TENM4: variants seen among roughly 807,000 people sequenced by gnomAD.
TENM4 encodes the protein teneurin-4.
Under a neutral mutation model 243.3 loss-of-function variants are expected in TENM4, and 82 were observed. The ratio of observed to expected loss-of-function variants is 0.34; its 90% CI spans 0.28 to 0.40. The LOEUF (loss-of-function observed/expected upper bound fraction) is 0.40. Among genes scored for constraint, TENM4 ranks in the 10% least tolerant of loss-of-function variants. The pLI is 1.00. For synonymous variants in TENM4, 1,412 were observed against 1,456.3 expected (o/e 0.97, Z 0.69); for missense variants, 3,138 against 3,673.3 (o/e 0.85, Z 3.77).
chr11:79,034,027 C>G (rs558492432), intron 6 of TENM4, among the ~76,000 whole-genome samples: 2 of 152,178 alleles, frequency 1.3e-5, no homozygotes, highest in Non-Finnish European at 2.9e-5. Context: ...GGTCACCATG[C>G]TGCCTTTTAG....
At chr11:78,807,442 A>G (rs1368684326) in intron 14 of TENM4, among the ~76,000 whole-genome samples, 2 of 152,192 alleles carry the variant, frequency 1.3e-5, no homozygotes, top group Admixed American at 1.3e-4. Flanking sequence ...GGCTACAACA[A>G]CATTAACAGA....
At chr11:78,778,786 G>T (rs187743321) in intron 16 of TENM4, among the ~76,000 whole-genome samples, 158 bp from the exon 17 acceptor site, 32 of 152,324 alleles carry the variant, frequency 2.1e-4, no homozygotes, top group African/African-American at 6.0e-4. Context: ...AAGACAGGAT[G>T]ACATGAGAGA....
At chr11:79,292,395 A>G (rs1343593914) in intron 2 of TENM4, among the ~76,000 whole-genome samples, 1 of 152,132 alleles carries the variant, frequency 6.6e-6, no homozygotes, top group Non-Finnish European at 1.5e-5. Flanking sequence ...CTTGAGGCTG[A>G]TTTTGCCCCT....
intron 6 of TENM4, among the ~76,000 whole-genome samples, chr11:78,915,034 C>T (rs919821122): frequency 1.3e-4 from 20 of 152,216 alleles, no homozygotes; most frequent in Non-Finnish European, 2.2e-4. Flanking sequence ...TACGAGACCC[C>T]CCACCATCCG....
At chr11:79,262,120 C>T (rs986991564) in intron 2 of TENM4, among the ~76,000 whole-genome samples, 9 of 152,160 alleles carry the variant, frequency 5.9e-5, no homozygotes, top group Non-Finnish European at 8.8e-5. Flanking sequence ...ACGTGCCAGG[C>T]GCCACCTGCA....
intron 1 of TENM4, among the ~76,000 whole-genome samples, chr11:79,369,081 A>G (rs1051223898): frequency 2.0e-5 from 3 of 152,110 alleles, no homozygotes; most frequent in Non-Finnish European, 2.9e-5. Context: ...TTCCCTTAAC[A>G]GTCTCCGGTC....
intron 6 of TENM4, among the ~76,000 whole-genome samples, chr11:78,968,199 A>G (rs1857475082): frequency 6.6e-6 from 1 of 152,166 alleles, no homozygotes; most frequent in African/African-American, 2.4e-5. Flanking sequence ...CTTCTGCGAT[A>G]AGTAAAAGCT....
chr11:79,171,205 C>T (rs1290374955), intron 3 of TENM4, among the ~76,000 whole-genome samples: 1 of 152,154 alleles, frequency 6.6e-6, no homozygotes, highest in African/African-American at 2.4e-5. Flanking sequence ...GTAGAGAGGG[C>T]CTAGAACCTT....
chr11:78,768,719 C>T (rs2135988468), intron 18 of TENM4, among the ~76,000 whole-genome samples: 1 of 152,316 alleles, frequency 6.6e-6, no homozygotes, highest in Middle Eastern at 3.4e-3. Flanking sequence ...TGATCTTTTC[C>T]ACTTCCTACT....
At chr11:79,167,329 G>T (rs1237740044) in intron 3 of TENM4, among the ~76,000 whole-genome samples, 1 of 152,230 alleles carries the variant, frequency 6.6e-6, no homozygotes, top group African/African-American at 2.4e-5. Context: ...GTGGGGACCT[G>T]TTGAAGGGTC....
intron 2 of TENM4, among the ~76,000 whole-genome samples, chr11:79,297,136 G>C (rs753696778): frequency 1.4e-4 from 21 of 152,188 alleles, no homozygotes; most frequent in Non-Finnish European, 1.9e-4. Flanking sequence ...AAACAGTTGG[G>C]TCTATTGAAG....
At chr11:78,778,729 C>T in intron 16 of TENM4, 101 bp from the exon 17 acceptor site, 1 of 1,137,822 alleles carries the variant, frequency 8.8e-7, no homozygotes, top group South Asian at 1.4e-5. Flanking sequence ...AGGGATTGTG[C>T]CCCACGTTTG....
chr11:78,891,389 G>A (rs1855662264), intron 7 of TENM4, 53 bp from the exon 8 acceptor site: 1 of 1,478,084 alleles, frequency 6.8e-7, no homozygotes, highest in South Asian at 1.2e-5. Context: ...TTGATGAAGG[G>A]GGCTAGTAGA....
At chr11:78,966,715 G>A (rs1459411424) in intron 6 of TENM4, among the ~76,000 whole-genome samples, 1 of 152,016 alleles carries the variant, frequency 6.6e-6, no homozygotes, top group Non-Finnish European at 1.5e-5. Flanking sequence ...GCAGAGGGAG[G>A]ATACTCTGGC....
chr11:78,873,769 T>C (rs964516247), intron 9 of TENM4, among the ~76,000 whole-genome samples: 1 of 152,190 alleles, frequency 6.6e-6, no homozygotes, highest in African/African-American at 2.4e-5. Context: ...GCATTTTAAA[T>C]GTGTGTTGAA....
intron 2 of TENM4, among the ~76,000 whole-genome samples, chr11:79,220,015 G>A (rs1005685375): frequency 5.3e-5 from 8 of 152,224 alleles, no homozygotes; most frequent in Non-Finnish European, 1.0e-4. Flanking sequence ...CGGCTAAGCC[G>A]TGGTACCCGG....
chr11:79,370,748 C>T (rs12223253), intron 1 of TENM4, among the ~76,000 whole-genome samples: 3 of 89,228 alleles, frequency 3.4e-5, no homozygotes, highest in African/African-American at 1.4e-4. Flanking sequence ...TAAATAACTT[C>T]TTAAAACTCC....
rs76534472 is a variant in TENM4 at position 78,687,506 on chromosome 11, T to C, written c.5260+548A>G. Among the ~76,000 whole-genome samples, 1,399 of 152,192 alleles carry C rather than the reference T, an allele frequency of 9.2e-3. 15 individuals are homozygous for C. Among genetic ancestry groups the C allele is most frequent in the African/African-American group, 0.031 (1,298 of 41,514 alleles). ...GGGTCACCACATCCCATGAGAACAATTGAGGCAGATAATTAACAGCAAGAT... is the reference window on the plus strand; with the variant it reads ...GGGTCACCACATCCCATGAGAACAACTGAGGCAGATAATTAACAGCAAGAT... On this transcript the variant is annotated intron_variant, in intron 29 of 33. Transcript: ENST00000278550.
intron 3 of TENM4, among the ~76,000 whole-genome samples, chr11:79,212,814 C>T (rs149785995): frequency 2.0e-5 from 3 of 152,276 alleles, no homozygotes; most frequent in South Asian, 2.1e-4. Flanking sequence ...TCCCATTTAC[C>T]TCCTCCCCCT....
Sources: allele counts gnomAD v4.1 joint callset (sites outside exome capture counted in the v4.1 genomes callset), GRCh38; gene constraint gnomAD v4.1.1; transcripts MANE v1.5; gene names NCBI Gene and HGNC (gene_info 2026-07-23, HGNC 2026-07-21).